The following AK8 variants were observed in gnomAD, a reference collection of about 807,000 sequenced individuals.
AK8 encodes the protein adenylate kinase 8, also known as ATP-AMP transphosphorylase 8.
Under a neutral mutation model 54.6 loss-of-function variants are expected in AK8, and 44 were observed. That is an observed-to-expected ratio of 0.81 (90% CI 0.63 to 1.04). The LOEUF (loss-of-function observed/expected upper bound fraction) is 1.04, where lower values mean the gene tolerates loss of function less well. Ranked by LOEUF, AK8 falls within the 50% of genes least tolerant of loss-of-function variation. The probability of loss-of-function intolerance (pLI) is 0.00; values close to 1 mark genes in which losing one functional copy is unlikely to be tolerated. For missense variants in AK8, 555 were observed against 613.6 expected (o/e 0.90, Z 1.01); for synonymous variants, 239 against 245.6 (o/e 0.97, Z 0.25).
chr9:132,810,471 C>T (rs746704141), intron 10 of AK8, among the ~76,000 whole-genome samples: 2 of 152,172 alleles, frequency 1.3e-5, no homozygotes, highest in African/African-American at 2.4e-5. Flanking sequence ...CGGCTCTGTA[C>T]AAAGTTGACG....
At chr9:132,779,517 G>A (rs775154884) in intron 11 of AK8, among the ~76,000 whole-genome samples, 15 of 152,178 alleles carry the variant, frequency 9.9e-5, no homozygotes, top group Non-Finnish European at 1.6e-4. Context: ...GAGAACAGGC[G>A]AGAAGACAAA....
chr9:132,843,163 C>T (rs147998283), intron 5 of AK8, among the ~76,000 whole-genome samples: 93 of 152,288 alleles, frequency 6.1e-4, no homozygotes, highest in African/African-American at 2.2e-3. Context: ...ATGTAATCCC[C>T]ATTGCTAGAG....
chr9:132,824,652 G>A (rs1419528913), intron 8 of AK8, among the ~76,000 whole-genome samples: 4 of 152,140 alleles, frequency 2.6e-5, no homozygotes, highest in Admixed American at 2.6e-4. Context: ...AAATATCCCC[G>A]GGGTTGCGGT....
At chr9:132,780,005 A>C (rs1839389646) in intron 11 of AK8, among the ~76,000 whole-genome samples, 2 of 152,204 alleles carry the variant, frequency 1.3e-5, no homozygotes, top group Non-Finnish European at 2.9e-5. Flanking sequence ...CACTCAGTAA[A>C]GACCAGATAT....
intron 11 of AK8, among the ~76,000 whole-genome samples, chr9:132,735,900 T>C (rs899686743): frequency 5.3e-5 from 8 of 152,220 alleles, no homozygotes; most frequent in African/African-American, 1.9e-4. Context: ...CTGAGAAATG[T>C]GTTGTTTTGT....
intron 11 of AK8, among the ~76,000 whole-genome samples, chr9:132,766,647 A>C (rs74577486): frequency 0.033 from 5,017 of 152,252 alleles, 270 homozygotes; most frequent in African/African-American, 0.11. Context: ...GAAAAAAAAA[A>C]CTTAAAATTT....
intron 11 of AK8, among the ~76,000 whole-genome samples, chr9:132,754,150 A>G (rs1838079317): frequency 6.6e-6 from 1 of 152,232 alleles, no homozygotes; most frequent in African/African-American, 2.4e-5. Flanking sequence ...GGATCTCTGC[A>G]ACAACATGCT....
intron 1 of AK8, chr9:132,877,913 G>C (rs1844205547): frequency 2.4e-6 from 2 of 836,226 alleles, no homozygotes; most frequent in Admixed American, 2.0e-5. Flanking sequence ...TGGCGGCACA[G>C]CCAGGACCAA....
chr9:132,758,883 C>T (rs1838318362), intron 11 of AK8, among the ~76,000 whole-genome samples: 1 of 151,888 alleles, frequency 6.6e-6, no homozygotes. Context: ...ATTCACACAC[C>T]ATAAAATTCA....
intron 10 of AK8, among the ~76,000 whole-genome samples, chr9:132,796,937 G>A (rs1249016912): frequency 1.3e-5 from 2 of 152,060 alleles, no homozygotes; most frequent in Non-Finnish European, 1.5e-5. Context: ...CACAAACCTG[G>A]CAGGAAAGCA....
chr9:132,759,966 A>G (rs1838376008), intron 11 of AK8, among the ~76,000 whole-genome samples: 1 of 44,554 alleles, frequency 2.2e-5, no homozygotes, highest in Admixed American at 3.5e-4. Context: ...ACTACCAACA[A>G]TTTGGAATTT....
intron 5 of AK8, among the ~76,000 whole-genome samples, chr9:132,851,423 A>C (rs1842967158): frequency 6.6e-6 from 1 of 152,180 alleles, no homozygotes; most frequent in African/African-American, 2.4e-5. Context: ...AGGATAAATA[A>C]CCTCAGTTTT....
chr9:132,834,860 A>G (rs1842253304), intron 5 of AK8, among the ~76,000 whole-genome samples: 1 of 139,822 alleles, frequency 7.2e-6, no homozygotes, highest in East Asian at 2.1e-4. Flanking sequence ...GCAGGCATTC[A>G]AGAGGTGCCT....
intron 10 of AK8, among the ~76,000 whole-genome samples, chr9:132,800,017 T>C (rs1840368067): frequency 6.6e-6 from 1 of 152,224 alleles, no homozygotes; most frequent in South Asian, 2.1e-4. Flanking sequence ...TTTGGTTTTG[T>C]TTTTTAATTT....
intron 11 of AK8, among the ~76,000 whole-genome samples, chr9:132,792,069 G>C (rs1176011076): frequency 6.6e-6 from 1 of 152,206 alleles, no homozygotes; most frequent in African/African-American, 2.4e-5. Flanking sequence ...AATGGTGGCT[G>C]ACCCCTTGCT....
chr9:132,763,748 G>C (rs1397854000), intron 11 of AK8, among the ~76,000 whole-genome samples: 1 of 152,224 alleles, frequency 6.6e-6, no homozygotes, highest in African/African-American at 2.4e-5. Flanking sequence ...GCCTGTTCTG[G>C]TTTGGGGGGC....
At chr9:132,843,948 G>A (rs917713131) in intron 5 of AK8, among the ~76,000 whole-genome samples, 3 of 152,128 alleles carry the variant, frequency 2.0e-5, no homozygotes, top group Non-Finnish European at 4.4e-5. Flanking sequence ...GTAGCTGTGG[G>A]GAGATGGATC....
chr9:132,816,944 T>A (rs1198750461), intron 9 of AK8, among the ~76,000 whole-genome samples: 6 of 151,960 alleles, frequency 3.9e-5, no homozygotes, highest in Admixed American at 3.9e-4. Flanking sequence ...GTTCCAGAAA[T>A]CTCATAGGGG....
At chr9:132,868,327 A>T (rs996628239) in intron 2 of AK8, among the ~76,000 whole-genome samples, 2 of 152,198 alleles carry the variant, frequency 1.3e-5, no homozygotes, top group Non-Finnish European at 2.9e-5. Flanking sequence ...CTTTGCCCAA[A>T]ATCATGGCAC....
Sources: gnomAD v4.1 joint callset for allele counts (sites outside exome capture counted in the v4.1 genomes callset) on GRCh38, gnomAD v4.1.1 for gene constraint, MANE v1.5 for transcripts, NCBI Gene and HGNC (gene_info 2026-07-23, HGNC 2026-07-21) for gene names.